Variants in ZFP82 observed in about 807,000 individuals in gnomAD.
ZFP82 encodes zinc finger protein 82 homolog.
Under a neutral mutation model 54.0 loss-of-function variants are expected in ZFP82, and 30 were observed. The observed-to-expected ratio is 0.56, with a 90% CI of 0.42 to 0.75. ZFP82 has a LOEUF of 0.75. Ranked by LOEUF, ZFP82 falls within the 30% of genes least tolerant of loss-of-function variation. The pLI, the probability that ZFP82 is intolerant of heterozygous loss-of-function variation, is 0.00. For missense variants in ZFP82, 500 were observed against 636.8 expected (o/e 0.79, Z 2.31); for synonymous variants, 194 against 209.5 (o/e 0.93, Z 0.64).
intron 1 of ZFP82, among the ~76,000 whole-genome samples, chr19:36,412,484 A>G (rs1189494558): frequency 1.3e-5 from 2 of 152,208 alleles, no homozygotes; most frequent in Non-Finnish European, 2.9e-5. Context: ...AGCTCCCAAA[A>G]TCTGAACTGA....
At chr19:36,394,300 G>C in intron 4 of ZFP82, 190 bp from the exon 5 acceptor site, 1 of 565,360 alleles carries the variant, frequency 1.8e-6, no homozygotes, top group South Asian at 2.2e-5. Context: ...AAAATAGCAA[G>C]ATTGGTGATG....
chr19:36,398,281 G>C (rs1368926411), intron 4 of ZFP82, among the ~76,000 whole-genome samples: 1 of 152,194 alleles, frequency 6.6e-6, no homozygotes, highest in African/African-American at 2.4e-5. Context: ...GCTCACACCT[G>C]TAATCCCAAC....
chr19:36,396,452 CCTGA>C (rs2145582603), intron 4 of ZFP82, among the ~76,000 whole-genome samples: 1 of 152,114 alleles, frequency 6.6e-6, no homozygotes, highest in East Asian at 1.9e-4. Context: ...TCGAGACCAT[CCTGA>C]CTAACACGGT....
At chr19:36,403,007 G>T (rs1323231114) in intron 4 of ZFP82, among the ~76,000 whole-genome samples, 2 of 152,038 alleles carry the variant, frequency 1.3e-5, no homozygotes, top group Admixed American at 1.3e-4. Flanking sequence ...GCCGGGCGTG[G>T]TGGCGGGCGC....
Position 36,402,312 on chromosome 19 carries a change from CA to C in ZFP82, c.229+3267del, listed in dbSNP as rs532932711. On this transcript the variant is annotated intron_variant, in intron 4 of 4. Coordinates refer to ENST00000392161, the MANE Select transcript of ZFP82 (RefSeq NM_133466.4). ...TAAAACCCCATCTCTACTAAAAATA[CA>C]AAAAAATTAGCCAGGCATGGTGGCG... Among the ~76,000 whole-genome samples the C allele has an allele frequency of 1.3e-3, 194 of 151,320 alleles. 1 individual carries two copies. The highest frequency in any genetic ancestry group is 6.8e-3 in the Middle Eastern group (2 of 292).
intron 4 of ZFP82, among the ~76,000 whole-genome samples, chr19:36,403,862 T>C (rs1049762507): frequency 1.0e-5 from 1 of 98,774 alleles, no homozygotes; most frequent in Non-Finnish European, 2.2e-5. Flanking sequence ...ATAAAACATA[T>C]ATGATTATAC....
intron 4 of ZFP82, among the ~76,000 whole-genome samples, chr19:36,400,048 G>A (rs1000903478): frequency 6.6e-6 from 1 of 152,198 alleles, no homozygotes; most frequent in East Asian, 1.9e-4. Context: ...ATACTTTTAT[G>A]GTATGTACAT....
chr19:36,393,599 C>T lies in ZFP82; in HGVS notation c.741G>A (p.Met247Ile), dbSNP rs753779605. ...ATTCATAGGGCTTCTCACCAATATG[C>T]ATTTTCTGATGTACTCTAAGATCTG... The part of the protein sequence containing the change: ...CGADLRVHQK[M>I]HIGEKPYECK... Residue 247 changes from methionine (M) to isoleucine (I), a missense_variant, in exon 5 of 5, where the codon ATG (methionine) becomes ATA (isoleucine). Coordinates refer to ENST00000392161, the MANE Select transcript of ZFP82 (RefSeq NM_133466.4). The T allele has an allele frequency of 1.2e-6, 2 of 1,613,572 alleles. No individual in the cohort carries two copies. Among genetic ancestry groups the T allele is most frequent in the East Asian group, 4.5e-5 (2 of 44,846 alleles).
intron 4 of ZFP82, among the ~76,000 whole-genome samples, chr19:36,403,424 G>C (rs1215205642): frequency 1.3e-5 from 2 of 149,072 alleles, no homozygotes; most frequent in Non-Finnish European, 3.0e-5. Flanking sequence ...TTCAAGACCA[G>C]CCTGGCCAAG....
intron 1 of ZFP82, among the ~76,000 whole-genome samples, chr19:36,413,162 A>C (rs2967525): frequency 0.46 from 69,402 of 152,004 alleles, 15,834 homozygotes; most frequent in Admixed American, 0.51. Context: ...CCTGTAACCA[A>C]CACTTTGGGA....
intron 2 of ZFP82, among the ~76,000 whole-genome samples, chr19:36,408,283 A>C (rs995082389): frequency 3.9e-5 from 6 of 152,154 alleles, no homozygotes; most frequent in Admixed American, 6.6e-5. Context: ...AAAAAAAATC[A>C]GTTTTCCAAT....
Position 36,389,300 on chromosome 19 carries a change from A to G in ZFP82, c.*3441T>C, listed in dbSNP as rs921242008. Reference sequence around the variant, plus strand: ...TGATCCACCCACCTTGGCCTCCCAAAGTACTGCGATTACAGGCATGAGCCA... The same window carrying G: ...TGATCCACCCACCTTGGCCTCCCAAGGTACTGCGATTACAGGCATGAGCCA... On this transcript the variant is annotated 3_prime_UTR_variant, in exon 5 of 5. Transcript: ENST00000392161. Among the ~76,000 whole-genome samples the G allele has an allele frequency of 1.3e-5, 2 of 152,168 alleles. No homozygotes were observed. The highest frequency in any genetic ancestry group is 1.5e-5 in the Non-Finnish European group (1 of 68,044).
chr19:36,412,526 C>G (rs1363994104), intron 1 of ZFP82, among the ~76,000 whole-genome samples: 5 of 152,132 alleles, frequency 3.3e-5, no homozygotes, highest in Admixed American at 2.6e-4. Flanking sequence ...TCATGTATGT[C>G]AGAGTTCTGC....
chr19:36,401,812 C>T (rs1374489676), intron 4 of ZFP82, among the ~76,000 whole-genome samples: 1 of 152,218 alleles, frequency 6.6e-6, no homozygotes, highest in Non-Finnish European at 1.5e-5. Flanking sequence ...CTCAGACTAG[C>T]AAGGCTAATG....
chr19:36,407,415 A>G (rs998385912), intron 3 of ZFP82, among the ~76,000 whole-genome samples: 16 of 152,230 alleles, frequency 1.1e-4, no homozygotes, highest in Non-Finnish European at 1.9e-4. Flanking sequence ...GTAAAACTGA[A>G]TATGATTGTT....
chr19:36,416,090 G>A (rs975853043), intron 1 of ZFP82, among the ~76,000 whole-genome samples: 1 of 152,176 alleles, frequency 6.6e-6, no homozygotes, highest in Admixed American at 6.5e-5. Flanking sequence ...TAAAGGTTTT[G>A]TGAGTCATCT....
chr19:36,399,839 A>C (rs2032353648), intron 4 of ZFP82, among the ~76,000 whole-genome samples: 1 of 152,200 alleles, frequency 6.6e-6, no homozygotes, highest in Non-Finnish European at 1.5e-5. Context: ...CATAACAATC[A>C]AGACGTATTC....
chr19:36,389,043 CTT>C lies in ZFP82; in HGVS notation c.*3696_*3697del, dbSNP rs34929021. Among the ~76,000 whole-genome samples the C allele has an allele frequency of 1.8e-3, 240 of 134,562 alleles. No individual in the cohort carries two copies. The highest frequency in any genetic ancestry group is 2.4e-3 in the African/African-American group (86 of 35,682). The allele number at this position is 134,562 out of a possible 152,430, so 88.3% of individuals were successfully genotyped here. Reference sequence around the variant, plus strand: ...TACAATTTCAGACTTGATTTTCTTTCTTTTTTTTTTTTTTTGAGATGGAGTCT... The same window carrying C: ...TACAATTTCAGACTTGATTTTCTTTCTTTTTTTTTTTTTGAGATGGAGTCT... On this transcript the variant is annotated 3_prime_UTR_variant, in exon 5 of 5. Transcript: ENST00000392161.
rs567202029 is a variant in ZFP82, at chr19:36,410,389, T to C, written c.-78-522A>G. ...CTCTTGGTCATTTGACAATAACAAA[T>C]GTCTATTTATCAAGAATTCCAGTAT... is the stretch of plus-strand genomic sequence containing the variant. On this transcript the variant is annotated intron_variant, in intron 1 of 4. Coordinates refer to ENST00000392161, the MANE Select transcript of ZFP82 (RefSeq NM_133466.4). 3.3e-5 allele frequency among the ~76,000 whole-genome samples: 5 copies of C among 152,214 alleles called. No homozygotes were observed. In the South Asian group the frequency reaches 6.2e-4, roughly 19 times the overall value.
Sources: allele counts gnomAD v4.1 joint callset (sites outside exome capture counted in the v4.1 genomes callset), GRCh38; gene constraint gnomAD v4.1.1; transcripts MANE v1.5; gene names NCBI Gene and HGNC (gene_info 2026-07-23, HGNC 2026-07-21).